Variants in ADGRG1 observed in about 807,000 individuals in gnomAD.
ADGRG1 encodes 7-transmembrane protein with no EGF-like N-terminal domains-1.
Under a neutral mutation model 73.5 loss-of-function variants are expected in ADGRG1, and 53 were observed. The ratio of observed to expected loss-of-function variants is 0.72; its 90% CI spans 0.58 to 0.91. The LOEUF (loss-of-function observed/expected upper bound fraction) is 0.91. Ranked by LOEUF, ADGRG1 falls within the 40% of genes least tolerant of loss-of-function variation. The pLI is 0.00. For missense variants in ADGRG1, 795 were observed against 871.8 expected (o/e 0.91, Z 1.11); for synonymous variants, 394 against 374.4 (o/e 1.05, Z -0.60).
At chr16:57,620,390 G>A (rs2034542365), upstream of ADGRG1, among the ~76,000 whole-genome samples, 1 of 152,198 alleles carries the variant, frequency 6.6e-6, no homozygotes. Context: ...CCGGGAAGCT[G>A]GCAGGTGTGA....
At chr16:57,656,186 G>A in intron 7 of ADGRG1, 40 bp from the exon 8 acceptor site, 3 of 1,613,580 alleles carry the variant, frequency 1.9e-6, no homozygotes, top group South Asian at 1.1e-5. Context: ...GAGGGGTGGG[G>A]GGCTGTCACA....
At chr16:57,629,470 A>T (rs1192208754) in intron 1 of ADGRG1, 1 of 152,348 alleles carries the variant, frequency 6.6e-6, no homozygotes, top group Non-Finnish European at 1.5e-5. Context: ...CACCTAGCAC[A>T]TCCAGGTATA....
At chr16:57,629,008 G>T in intron 1 of ADGRG1, 1 of 489,624 alleles carries the variant, frequency 2.0e-6, no homozygotes, top group Non-Finnish European at 2.6e-6. Flanking sequence ...GTGAGTGTGA[G>T]AGTGTGACTG....
Position 57,621,487 on chromosome 16 carries a change from G to C in ADGRG1, c.-154+92G>C, listed in dbSNP as rs1567653122. The C allele has an allele frequency of 2.6e-5, 4 of 152,276 alleles. No individual in the cohort carries two copies. In the South Asian group the frequency reaches 6.2e-4, roughly 24 times the overall value. 9.4% of individuals were successfully genotyped at this position (152,276 alleles called of 1,614,324 possible). A position where few individuals can be genotyped will look rare whatever the true frequency, so the allele number is the denominator to read the frequency against. On this transcript the variant is annotated intron_variant, in intron 2 of 4. Coordinates refer to the ADGRG1 transcript ENST00000561833. The stretch of plus-strand genomic sequence containing the variant: ...ACACATTCTGTGCTGGGCACTGATG[G>C]GGTGTGTATGGGTGTAGGGAGTGGG...
intron 1 of ADGRG1, chr16:57,637,568 C>T (rs986917234): frequency 1.0e-6 from 1 of 985,442 alleles, no homozygotes. Flanking sequence ...GCCTTGTGAG[C>T]CTTTCCGGGA....
chr16:57,652,206 A>G, intron 3 of ADGRG1: 1 of 960,900 alleles, frequency 1.0e-6, no homozygotes, highest in South Asian at 4.5e-5. Context: ...CAGAAGCTGC[A>G]TCTTCCCCCT....
At chr16:57,655,841 C>T in intron 6 of ADGRG1, 35 bp from the exon 7 acceptor site, 1 of 1,613,920 alleles carries the variant, frequency 6.2e-7, no homozygotes, top group Non-Finnish European at 8.5e-7. Flanking sequence ...CCTGAACTCC[C>T]TCCCTACTCT....
In ADGRG1 at chr16:57,661,963, A is replaced by G. The variant is rs1412045393; in HGVS notation, c.1931A>G (p.Gln644Arg). Residue 644 changes from glutamine (Q) to arginine (R), a missense_variant and splice_region_variant, in exon 13 of 14, where the codon CAA becomes CGA. Transcript: ENST00000562631. Reference protein sequence around the residue: ...LYLFSIITSFQGFLIFIWYWS... With the variant: ...LYLFSIITSFRGFLIFIWYWS... ...CTTTTCAGCATCATCACCTCCTTCC[A>G]AGGTAAGGAGAAGACCCGTCCCTTG... 5.0e-6 allele frequency: 8 copies of G among 1,610,848 alleles called. No homozygotes were observed. In the Admixed American group the frequency reaches 1.2e-4, roughly 23 times the overall value.
upstream of ADGRG1, chr16:57,622,800 A>G: frequency 1.0e-6 from 1 of 984,730 alleles, no homozygotes; most frequent in East Asian, 1.1e-4. Context: ...CTTCTATCTC[A>G]GGCAGCGGGG....
At chr16:57,627,116 AC>A, upstream of ADGRG1, 3 of 959,226 alleles carry the variant, frequency 3.1e-6, no homozygotes, top group Non-Finnish European at 3.7e-6. Context: ...CCTGCACCCC[AC>A]GGGGTGGCTT....
At chr16:57,662,417 G>T (rs1257082370) in intron 13 of ADGRG1, among the ~76,000 whole-genome samples, 1 of 152,128 alleles carries the variant, frequency 6.6e-6, no homozygotes, top group South Asian at 2.1e-4. Flanking sequence ...AGAGATGGGG[G>T]GGCCTCCCTA....
chr16:57,657,162 G>A (rs575652843), intron 9 of ADGRG1: 1 of 179,136 alleles, frequency 5.6e-6, no homozygotes, highest in East Asian at 1.9e-4. Flanking sequence ...GCCTCTGTGG[G>A]TCAGGAAGCC....
upstream of ADGRG1, chr16:57,627,987 G>T (rs2036187752): frequency 2.0e-6 from 2 of 985,088 alleles, no homozygotes; most frequent in Admixed American, 6.1e-5. Flanking sequence ...AGAAGCCCCT[G>T]GGGTCTCAGA....
chr16:57,640,185 G>C (rs1185115459), intron 1 of ADGRG1: 1 of 152,248 alleles, frequency 6.6e-6, no homozygotes, highest in Admixed American at 6.5e-5. Context: ...TTGGGAGGAT[G>C]GCGTCCAGCT....
upstream of ADGRG1, chr16:57,624,866 T>G (rs2035536298): frequency 5.0e-6 from 1 of 201,858 alleles, no homozygotes; most frequent in Non-Finnish European, 8.8e-6. Flanking sequence ...GTGCCCATTG[T>G]CTGCCAGGCC....
At chr16:57,631,695 G>A in intron 1 of ADGRG1, 1 of 985,556 alleles carries the variant, frequency 1.0e-6, no homozygotes, top group Non-Finnish European at 1.2e-6. Context: ...TGGGGGGCGG[G>A]GCGGGCTGGC....
chr16:57,652,926 C>G (rs1260809756), intron 3 of ADGRG1: 3 of 1,301,212 alleles, frequency 2.3e-6, no homozygotes, highest in East Asian at 7.2e-5. Context: ...GTGTGTGTAG[C>G]CGAAGGTGTC....
intron 1 of ADGRG1, chr16:57,637,277 G>A: frequency 1.0e-6 from 1 of 983,106 alleles, no homozygotes; most frequent in Non-Finnish European, 1.2e-6. Flanking sequence ...TAGGTGTGAA[G>A]TAAGACAGTG....
intron 2 of ADGRG1, chr16:57,621,817 G>A: frequency 1.0e-6 from 1 of 978,284 alleles, no homozygotes; most frequent in Non-Finnish European, 1.2e-6. Flanking sequence ...AATTTTAGGG[G>A]CAAGAGCAGC....
Sources: gnomAD v4.1 joint callset for allele counts (sites outside exome capture counted in the v4.1 genomes callset) on GRCh38, gnomAD v4.1.1 for gene constraint, MANE v1.5 for transcripts, NCBI Gene and HGNC (gene_info 2026-07-23, HGNC 2026-07-21) for gene names.